Variants in DCDC2C observed in about 807,000 individuals in gnomAD.
DCDC2C encodes the protein doublecortin domain containing 2C.
A neutral mutation model predicts 45.0 loss-of-function variants in DCDC2C; 44 were observed. That is an observed-to-expected ratio of 0.98 (90% CI 0.77 to 1.26). The LOEUF is 1.26. Among genes scored for constraint, DCDC2C ranks in the 50% most tolerant of loss-of-function variants. DCDC2C has a pLI of 0.00. For synonymous variants in DCDC2C, 187 were observed against 178.8 expected (o/e 1.05, Z -0.37); for missense variants, 447 against 468.9 (o/e 0.95, Z 0.43).
At chr2:3,830,683 C>T (rs186051485) in intron 10 of DCDC2C, among the ~76,000 whole-genome samples, 5 of 152,246 alleles carry the variant, frequency 3.3e-5, no homozygotes, top group Admixed American at 2.6e-4. Flanking sequence ...GCCATGGGAC[C>T]AGAGGCTTAG....
At chr2:3,803,667 C>T (rs993330537) in intron 10 of DCDC2C, among the ~76,000 whole-genome samples, 2 of 152,234 alleles carry the variant, frequency 1.3e-5, no homozygotes, top group African/African-American at 4.8e-5. Context: ...ACACCTTCGT[C>T]CTCTTCTCCA....
rs546437178 is a variant in DCDC2C at position 3,847,716 on chromosome 2, G to T, written c.*533G>T. ...CCTCACTCAAATCTCATGTCGAATTGTAATCCCCATGTGTTGGAGGAGGGG... is the reference window on the plus strand; with the variant it reads ...CCTCACTCAAATCTCATGTCGAATTTTAATCCCCATGTGTTGGAGGAGGGG... On this transcript the variant is annotated 3_prime_UTR_variant, in exon 11 of 11. Coordinates refer to ENST00000399143, the MANE Select transcript of DCDC2C (RefSeq NM_001287444.2). Among the ~76,000 whole-genome samples the T allele has an allele frequency of 6.6e-6, 1 of 152,300 alleles. No homozygotes were observed. The highest frequency in any genetic ancestry group is 2.4e-5 in the African/African-American group (1 of 41,562).
Position 3,754,629 on chromosome 2 carries a change from A to G in DCDC2C, c.721A>G (p.Lys241Glu), listed in dbSNP as rs80010241. 6.5e-7 allele frequency: 1 copy of G among 1,549,192 alleles called. No individual in the cohort carries two copies. The highest frequency in any genetic ancestry group is 2.4e-5 in the East Asian group (1 of 40,904). ...ANVEKNSQRK[K>E]KVDSKGKEPC... is the part of the protein sequence containing the mutation. ...TGTTGAAAAAAACTCACAGAGAAAG[A>G]AAAAAGTAAGTAACTTTTTAAAACA... Residue 241 changes from lysine (K) to glutamate (E), a missense_variant, in exon 6 of 11, where the codon AAA becomes GAA. Transcript: ENST00000399143.
Position 3,847,982 on chromosome 2 carries a change from A to G in DCDC2C, c.*799A>G, listed in dbSNP as rs1352157999. 6.6e-6 allele frequency among the ~76,000 whole-genome samples: 1 copy of G among 152,218 alleles called. No homozygotes were observed. The highest frequency in any genetic ancestry group is 6.5e-5 in the Admixed American group (1 of 15,284). ...TATACAGCCTGCAGAACTGTGAGCC[A>G]ATTAAACCTCTTTTCTTCATAAATT... On this transcript the variant is annotated 3_prime_UTR_variant, in exon 11 of 11. Transcript: ENST00000399143.
intron 10 of DCDC2C, among the ~76,000 whole-genome samples, chr2:3,843,991 T>C (rs1672271262): frequency 6.6e-6 from 1 of 152,154 alleles, no homozygotes; most frequent in South Asian, 2.1e-4. Context: ...ATGTTTGTCT[T>C]TTTATGATTT....
At chr2:3,837,665 C>T (rs150343686) in intron 10 of DCDC2C, among the ~76,000 whole-genome samples, 16 of 38,660 alleles carry the variant, frequency 4.1e-4, no homozygotes, top group Middle Eastern at 0.02. Context: ...CACCTACATA[C>T]CTAGTCTAGC....
chr2:3,777,754 G>A (rs572007839), intron 8 of DCDC2C, among the ~76,000 whole-genome samples: 1 of 152,354 alleles, frequency 6.6e-6, no homozygotes, highest in East Asian at 1.9e-4. Flanking sequence ...CTACACGTCT[G>A]CCTCGCCACG....
intron 10 of DCDC2C, among the ~76,000 whole-genome samples, chr2:3,826,961 T>C (rs761206048): frequency 8.9e-5 from 13 of 146,148 alleles, no homozygotes; most frequent in South Asian, 2.4e-4. Flanking sequence ...CCCTCTCTTC[T>C]TCCCTTCCTC....
At chr2:3,821,233 A>G (rs1454722477) in intron 10 of DCDC2C, among the ~76,000 whole-genome samples, 2 of 152,202 alleles carry the variant, frequency 1.3e-5, no homozygotes, top group African/African-American at 4.8e-5. Flanking sequence ...GGCAGGAACT[A>G]GCCATTTTTA....
intron 8 of DCDC2C, among the ~76,000 whole-genome samples, chr2:3,769,701 C>G (rs559550328): frequency 3.3e-4 from 50 of 152,322 alleles, no homozygotes; most frequent in African/African-American, 1.0e-3. Flanking sequence ...CCTCACTAAG[C>G]TACTGACTCC....
intron 3 of DCDC2C, among the ~76,000 whole-genome samples, chr2:3,729,385 T>C (rs1458211031): frequency 6.6e-6 from 1 of 152,200 alleles, no homozygotes; most frequent in East Asian, 1.9e-4. Flanking sequence ...AGCTGGACAT[T>C]AGTGAAAGCG....
Position 3,778,880 on chromosome 2 carries a change from A to G in DCDC2C, c.1019A>G (p.Asn340Ser). The G allele has an allele frequency of 1.3e-6, 2 of 1,550,970 alleles. No homozygotes were observed. Among genetic ancestry groups the G allele is most frequent in the Non-Finnish European group, 1.7e-6 (2 of 1,147,016 alleles). ...GAGAACACCCCTGATTTTGAGGGCAACAAGGTGAGTTCATTTTATTTTGTG... is the reference window on the plus strand; with the variant it reads ...GAGAACACCCCTGATTTTGAGGGCAGCAAGGTGAGTTCATTTTATTTTGTG... Reference protein sequence around the residue: ...IHENTPDFEGNKDKEDARLCE... With the variant: ...IHENTPDFEGSKDKEDARLCE... The change falls in exon 9 of 11, where the codon AAC (asparagine) becomes AGC (serine). Residue 340 changes from asparagine to serine, a missense_variant. Coordinates refer to ENST00000399143, the MANE Select transcript of DCDC2C (RefSeq NM_001287444.2).
intron 3 of DCDC2C, among the ~76,000 whole-genome samples, chr2:3,727,495 C>T (rs771280244): frequency 1.3e-5 from 2 of 152,212 alleles, no homozygotes; most frequent in South Asian, 2.1e-4. Context: ...CTGTTTCCCC[C>T]GCCCCTTGAC....
At chr2:3,794,167 G>A (rs1670894558) in intron 10 of DCDC2C, among the ~76,000 whole-genome samples, 1 of 152,008 alleles carries the variant, frequency 6.6e-6, no homozygotes, top group Non-Finnish European at 1.5e-5. Context: ...TGGTCATTTG[G>A]AAAATATTGG....
intron 8 of DCDC2C, among the ~76,000 whole-genome samples, chr2:3,777,368 A>G (rs1670369754): frequency 6.6e-6 from 1 of 152,124 alleles, no homozygotes; most frequent in Admixed American, 6.5e-5. Flanking sequence ...TGTCTTCCCT[A>G]TAAGACTCTC....
At chr2:3,810,336 G>T (rs1671363411) in intron 10 of DCDC2C, among the ~76,000 whole-genome samples, 2 of 152,192 alleles carry the variant, frequency 1.3e-5, no homozygotes, top group African/African-American at 4.8e-5. Context: ...GCATTTATCT[G>T]ATGATCAGCG....
intron 2 of DCDC2C, among the ~76,000 whole-genome samples, chr2:3,724,860 G>A (rs1668594386): frequency 6.6e-6 from 1 of 152,170 alleles, no homozygotes; most frequent in Non-Finnish European, 1.5e-5. Context: ...AGGTTCAAGA[G>A]CTGAGTCCCA....
At chr2:3,755,810 G>A (rs1264488765) in intron 6 of DCDC2C, among the ~76,000 whole-genome samples, 1 of 152,108 alleles carries the variant, frequency 6.6e-6, no homozygotes, top group African/African-American at 2.4e-5. Flanking sequence ...GGATACATAT[G>A]TGTGCATGTG....
intron 10 of DCDC2C, among the ~76,000 whole-genome samples, chr2:3,812,847 A>C (rs547178832): frequency 1.3e-5 from 2 of 152,196 alleles, no homozygotes; most frequent in South Asian, 4.2e-4. Context: ...CCCAGGAGTC[A>C]TTCAGGAGCA....
Sources: gnomAD v4.1 joint callset for allele counts (sites outside exome capture counted in the v4.1 genomes callset) on GRCh38, gnomAD v4.1.1 for gene constraint, MANE v1.5 for transcripts, NCBI Gene and HGNC (gene_info 2026-07-23, HGNC 2026-07-21) for gene names.